The following ZNF667 variants were observed in gnomAD, a reference collection of about 807,000 sequenced individuals.
The protein encoded by ZNF667 is myocardial ischemic preconditioning upregulated 1 ortholog.
A neutral mutation model predicts 31.8 loss-of-function variants in ZNF667; 13 were observed. The observed-to-expected ratio is 0.41, with a 90% CI of 0.27 to 0.65. ZNF667 has a LOEUF of 0.65. Among genes scored for constraint, ZNF667 ranks in the 30% least tolerant of loss-of-function variants. ZNF667 has a pLI of 0.32. For missense variants in ZNF667, 642 were observed against 725.6 expected, an observed-to-expected ratio of 0.88 and a Z score of 1.32; for synonymous variants, 228 against 247.1, an observed-to-expected ratio of 0.92 and a Z score of 0.73.
chr19:56,447,614 G>A (rs2042732992), intron 6 of ZNF667, among the ~76,000 whole-genome samples: 1 of 151,980 alleles, frequency 6.6e-6, no homozygotes, highest in South Asian at 2.1e-4. Context: ...CAAACATGGT[G>A]ACTCACACCT....
chr19:56,455,417 ACAGTCATG>A (rs2042911725), intron 6 of ZNF667, among the ~76,000 whole-genome samples: 1 of 152,200 alleles, frequency 6.6e-6, no homozygotes, highest in Admixed American at 6.5e-5. Flanking sequence ...ATGACCATCA[ACAGTCATG>A]CAGTAGTATT....
intron 6 of ZNF667, among the ~76,000 whole-genome samples, chr19:56,455,086 T>C (rs2042905097): frequency 6.6e-6 from 1 of 152,152 alleles, no homozygotes; most frequent in African/African-American, 2.4e-5. Context: ...GTGCTCAACA[T>C]CACTGATCAT....
intron 3 of ZNF667, among the ~76,000 whole-genome samples, chr19:56,469,216 TGCC>T: frequency 6.6e-6 from 1 of 152,194 alleles, no homozygotes; most frequent in African/African-American, 2.4e-5. Flanking sequence ...CAGCCCTGCC[TGCC>T]TCCCTCTTGC....
chr19:56,458,867 G>C (rs1303648692), intron 5 of ZNF667, among the ~76,000 whole-genome samples: 1 of 152,136 alleles, frequency 6.6e-6, no homozygotes, highest in Admixed American at 6.5e-5. Context: ...TAAGTAAAGC[G>C]CCTCCCTGAG....
At position 56,442,738 on chromosome 19, in the gene ZNF667, G is replaced by A. The variant is rs776472792; in HGVS notation, c.257C>T (p.Ser86Leu). 1.2e-5 allele frequency: 19 copies of A among 1,554,822 alleles called. No individual in the cohort carries two copies. Among genetic ancestry groups the A allele is most frequent in the South Asian group, 4.9e-5 (4 of 82,066 alleles). Residue 86 changes from serine to leucine, a missense_variant, in exon 7 of 7, where the codon TCG (serine) becomes TTG (leucine). By Grantham distance (145) the Ser-to-Leu change is moderately radical. Coordinates refer to ENST00000504904, the MANE Select transcript of ZNF667 (RefSeq NM_001321356.2). ...CTTCTTGGTCTCACATTTAGACCCC[G>A]AGTCTGAAAGACATAAAGGAATTAA... is the stretch of plus-strand genomic sequence containing the variant. Reference protein sequence around the residue: ...EPVRRRRAPDSGSKCETKKLP... With the variant: ...EPVRRRRAPDLGSKCETKKLP...
chr19:56,470,676 C>T (rs2043273031), intron 3 of ZNF667, among the ~76,000 whole-genome samples: 1 of 152,104 alleles, frequency 6.6e-6, no homozygotes, highest in Admixed American at 6.5e-5. Context: ...ATGTTTCTGT[C>T]ATAGTAGAGT....
At position 56,458,204 on chromosome 19, in the gene ZNF667, T is replaced by C. The variant is rs751675567; in HGVS notation, c.204A>G (p.Lys68=). 1 of 1,614,184 alleles carries C rather than the reference T, an allele frequency of 6.2e-7. No homozygotes were observed. The change falls in exon 6 of 7, where the codon AAA becomes AAG. Residue 68 remains lysine, a synonymous_variant. Coordinates refer to ENST00000504904, the MANE Select transcript of ZNF667 (RefSeq NM_001321356.2). The part of the protein sequence containing the change: ...RRPNVITLLE[K]GKAPWMVEPV... Reference sequence around the variant, plus strand: ...GCTCTACCATCCAGGGTGCTTTCCCTTTCTCCAATAAGGTGATCACATTTG... The same window carrying C: ...GCTCTACCATCCAGGGTGCTTTCCCCTTCTCCAATAAGGTGATCACATTTG...
Position 56,442,722 on chromosome 19 carries a change from C to T in ZNF667, c.273G>A (p.Glu91=). Reference sequence around the variant, plus strand: ...ATTGATTTGGAGGTAACTTCTTGGTCTCACATTTAGACCCCGAGTCTGAAA... The same window carrying T: ...ATTGATTTGGAGGTAACTTCTTGGTTTCACATTTAGACCCCGAGTCTGAAA... ...RRAPDSGSKC[E]TKKLPPNQCN... Residue 91 remains glutamate, a synonymous_variant, in exon 7 of 7, where the codon GAG becomes GAA. Transcript: ENST00000504904. 1 of 1,590,358 alleles carries T rather than the reference C, an allele frequency of 6.3e-7. No individual in the cohort carries two copies. The highest frequency in any genetic ancestry group is 8.5e-7 in the Non-Finnish European group (1 of 1,171,498).
chr19:56,461,926 AC>A (rs1306466349), intron 4 of ZNF667, among the ~76,000 whole-genome samples: 1 of 152,102 alleles, frequency 6.6e-6, no homozygotes, highest in East Asian at 1.9e-4. Context: ...GAGATACAAA[AC>A]CACACAACAA....
At chr19:56,472,517 C>G (rs753988945) in intron 2 of ZNF667, 2 of 152,218 alleles carry the variant, frequency 1.3e-5, no homozygotes, top group African/African-American at 4.8e-5. Flanking sequence ...CCGGCCTCCC[C>G]CTTCCGGCTC....
chr19:56,449,410 G>A (rs1600410165), intron 6 of ZNF667: 2 of 277,292 alleles, frequency 7.2e-6, no homozygotes, highest in Admixed American at 4.4e-5. Flanking sequence ...GCATGGTGGA[G>A]CATGCCTGTA....
At position 56,442,710 on chromosome 19, in the gene ZNF667, T is replaced by C. The variant is rs1437993340; in HGVS notation, c.285A>G (p.Leu95=). 14 of 1,600,524 alleles carry C rather than the reference T, an allele frequency of 8.7e-6. No individual in the cohort carries two copies. The highest frequency in any genetic ancestry group is 3.3e-4 in the Middle Eastern group (2 of 5,996). ...DSGSKCETKK[L]PPNQCNKSGQ... ...CAGATTTGTTGCATTGATTTGGAGG[T>C]AACTTCTTGGTCTCACATTTAGACC... is the stretch of plus-strand genomic sequence containing the variant. The change falls in exon 7 of 7, where the codon TTA becomes TTG. Residue 95 remains leucine (L), a synonymous_variant. Coordinates refer to ENST00000504904, the MANE Select transcript of ZNF667 (RefSeq NM_001321356.2).
In ZNF667 at chr19:56,440,796, C is replaced by T; in HGVS notation, c.*366G>A. 1.6e-6 allele frequency: 1 copy of T among 631,400 alleles called. No homozygotes were observed. Among genetic ancestry groups the T allele is most frequent in the African/African-American group, 2.0e-5 (1 of 50,938 alleles). The allele number at this position is 631,400 out of a possible 1,614,324, so 39.1% of individuals were successfully genotyped here. A position where few individuals can be genotyped will look rare whatever the true frequency, so the allele number is the denominator to read the frequency against. On this transcript the variant is annotated 3_prime_UTR_variant, in exon 7 of 7. Transcript: ENST00000504904. ...AGATTACAGGTGCGCACCACCACGC[C>T]CAGCTAATTTTGTATTTTTTAGTAG...
chr19:56,465,141 C>T (rs12979827), intron 3 of ZNF667, among the ~76,000 whole-genome samples: 27,041 of 152,202 alleles, frequency 0.18, 2,804 homozygotes, highest in Middle Eastern at 0.3. Flanking sequence ...AGAATGCCAT[C>T]GTCATACCCT....
intron 3 of ZNF667, chr19:56,468,902 T>C (rs2147822723): frequency 6.6e-6 from 1 of 152,378 alleles, no homozygotes; most frequent in African/African-American, 2.4e-5. Flanking sequence ...AAGGAGCACC[T>C]GCTGCCATGG....
In ZNF667 at chr19:56,441,374, A is replaced by T; in HGVS notation, c.1621T>A (p.Ser541Thr). 1 of 1,614,090 alleles carries T rather than the reference A, an allele frequency of 6.2e-7. No homozygotes were observed. The highest frequency in any genetic ancestry group is 8.5e-7 in the Non-Finnish European group (1 of 1,180,030). Residue 541 changes from serine to threonine, a missense_variant, in exon 7 of 7, where the codon TCT (serine) becomes ACT (threonine). Coordinates refer to ENST00000504904, the MANE Select transcript of ZNF667 (RefSeq NM_001321356.2). This position sits in a 1 kb window ranked among gnomAD's most constrained non-coding sequence, Gnocchi z 4.2. ...TCGKAFSQRTSLILHERSHTG... is the reference protein window; with the variant it reads ...TCGKAFSQRTTLILHERSHTG... ...TGACTTCTTTCATGTAGAATAAGAG[A>T]TGTGCGCTGACTAAAGGCCTTACCA...
At chr19:56,462,490 GAGACACACACACACAC>G in intron 3 of ZNF667, 61 bp from the exon 4 acceptor site, 1 of 1,000,528 alleles carries the variant, frequency 1.0e-6, no homozygotes, top group South Asian at 1.3e-5. Context: ...ACCTAACCTG[GAGACACACACACACAC>G]AGACACACAT....
intron 6 of ZNF667, among the ~76,000 whole-genome samples, chr19:56,456,173 A>G (rs1277131233): frequency 6.6e-6 from 1 of 152,156 alleles, no homozygotes; most frequent in Non-Finnish European, 1.5e-5. Context: ...TTTACTAAAT[A>G]AAGAGAGACA....
At chr19:56,466,510 C>T (rs1407002708) in intron 3 of ZNF667, among the ~76,000 whole-genome samples, 1 of 152,138 alleles carries the variant, frequency 6.6e-6, no homozygotes, top group East Asian at 1.9e-4. Context: ...CTGAGCCACA[C>T]CCCACTTCTC....
Sources: gnomAD v4.1 joint callset for allele counts (sites outside exome capture counted in the v4.1 genomes callset) on GRCh38, gnomAD v4.1.1 for gene constraint, Gnocchi (gnomAD v3.1) non-coding constraint, MANE v1.5 for transcripts, NCBI Gene and HGNC (gene_info 2026-07-23, HGNC 2026-07-21) for gene names.